Variants in DAAM2 observed in about 807,000 individuals in gnomAD.
The protein encoded by DAAM2 is dishevelled associated activator of morphogenesis 2, also known as disheveled-associated activator of morphogenesis 2.
A neutral mutation model predicts 120.7 loss-of-function variants in DAAM2; 39 were observed. That is an observed-to-expected ratio of 0.32 (90% confidence interval 0.25 to 0.42). DAAM2 has a LOEUF of 0.42. Among genes scored for constraint, DAAM2 ranks in the 10% least tolerant of loss-of-function variants. The probability of loss-of-function intolerance (pLI) is 1.00; values close to 1 mark genes in which losing one functional copy is unlikely to be tolerated. For synonymous variants in DAAM2, 488 were observed against 524.9 expected (o/e 0.93, Z 0.96); for missense variants, 1,283 against 1,401.7 (o/e 0.92, Z 1.35).
chr6:39,814,449 G>A (rs1762252409), intron 1 of DAAM2, among the ~76,000 whole-genome samples: 1 of 152,198 alleles, frequency 6.6e-6, no homozygotes, highest in South Asian at 2.1e-4. Context: ...CTTTGTTGGG[G>A]TTGGCGTTGG....
chr6:39,804,388 C>T (rs552516473), intron 1 of DAAM2, among the ~76,000 whole-genome samples: 13 of 152,308 alleles, frequency 8.5e-5, no homozygotes, highest in South Asian at 8.3e-4. Flanking sequence ...TATCAATTAT[C>T]CCTGTGTGTA....
chr6:39,893,218 A>G (rs561158967), intron 19 of DAAM2, among the ~76,000 whole-genome samples: 5 of 152,218 alleles, frequency 3.3e-5, no homozygotes, highest in Admixed American at 1.3e-4. Flanking sequence ...CCAGGAGCCT[A>G]AGAATTAGTC....
chr6:39,887,639 G>C (rs370569328), intron 16 of DAAM2, 47 bp downstream of exon 16: 29 of 1,374,846 alleles, frequency 2.1e-5, no homozygotes, highest in Non-Finnish European at 2.8e-5. Context: ...GGGGACAAAG[G>C]GGGTGGAGGA....
intron 14 of DAAM2, among the ~76,000 whole-genome samples, chr6:39,883,227 C>G (rs566967282): frequency 6.7e-6 from 1 of 149,712 alleles, no homozygotes; most frequent in Non-Finnish European, 1.5e-5. Context: ...AGGATCCAGA[C>G]CCTAGTGCAA....
intron 1 of DAAM2, among the ~76,000 whole-genome samples, chr6:39,801,954 C>T (rs1055381488): frequency 3.3e-5 from 5 of 152,238 alleles, no homozygotes; most frequent in Non-Finnish European, 7.3e-5. Context: ...CCAGAGGCAG[C>T]TCTGAAGTTA....
At chr6:39,854,266 A>C (rs765435764) in intron 1 of DAAM2, among the ~76,000 whole-genome samples, 1 of 152,066 alleles carries the variant, frequency 6.6e-6, no homozygotes, top group African/African-American at 2.4e-5. Context: ...CTCCTTTTCC[A>C]TGAGAATAGG....
chr6:39,800,628 G>A (rs528942581), intron 1 of DAAM2, among the ~76,000 whole-genome samples: 1 of 152,262 alleles, frequency 6.6e-6, no homozygotes, highest in South Asian at 2.1e-4. Flanking sequence ...TAGCCTTTTT[G>A]GAGCAGCCCC....
At position 39,873,327 on chromosome 6, in the gene DAAM2, T is replaced by C; in HGVS notation, c.1134T>C (p.Ser378=). The C allele has an allele frequency of 6.2e-7, 1 of 1,613,254 alleles. No homozygotes were observed. The highest frequency in any genetic ancestry group is 8.5e-7 in the Non-Finnish European group (1 of 1,179,448). Residue 378 remains serine, a synonymous_variant, in exon 10 of 25, where the codon TCT becomes TCC. Transcript: ENST00000274867. ...CGGAGGCCTACCCCTGCCTGCTCTC[T>C]GTGCTGCACCACTGCCTGCAGATGC... ...KYTEAYPCLL[S]VLHHCLQMPY... is the part of the protein sequence containing the mutation.
chr6:39,855,644 A>G (rs1390357091), intron 1 of DAAM2, among the ~76,000 whole-genome samples: 1 of 152,070 alleles, frequency 6.6e-6, no homozygotes, highest in Non-Finnish European at 1.5e-5. Context: ...ATTCATCCAA[A>G]CATGCCTGTA....
At position 39,902,098 on chromosome 6, in the gene DAAM2, G is replaced by A; in HGVS notation, c.*61G>A. 1 of 1,404,342 alleles carries A rather than the reference G, an allele frequency of 7.1e-7. No individual in the cohort carries two copies. 87.0% of individuals were successfully genotyped at this position (1,404,342 alleles called of 1,614,324 possible). On this transcript the variant is annotated 3_prime_UTR_variant, in exon 25 of 25. Transcript: ENST00000274867. The stretch of plus-strand genomic sequence containing the variant: ...GGGACTGGTGAGAATGGGGCTGAGT[G>A]GAGGAGGTGGTGATATTTAAACCAT...
At chr6:39,794,525 G>A (rs2113974075) in intron 1 of DAAM2, among the ~76,000 whole-genome samples, 1 of 152,286 alleles carries the variant, frequency 6.6e-6, no homozygotes, top group South Asian at 2.1e-4. Context: ...TAGAGAGTCA[G>A]GGGCTCAAGA....
At chr6:39,860,565 A>T (rs765922632) in intron 2 of DAAM2, among the ~76,000 whole-genome samples, 6 of 152,214 alleles carry the variant, frequency 3.9e-5, no homozygotes, top group Admixed American at 6.5e-5. Context: ...CTTAAGAATG[A>T]CAAGGGATGG....
At chr6:39,880,429 G>A (rs997270948) in intron 14 of DAAM2, among the ~76,000 whole-genome samples, 3 of 152,268 alleles carry the variant, frequency 2.0e-5, no homozygotes, top group Non-Finnish European at 2.9e-5. Flanking sequence ...TGGTAGACCA[G>A]CTAGCCTGTC....
intron 1 of DAAM2, among the ~76,000 whole-genome samples, chr6:39,828,546 C>T (rs1762759527): frequency 6.6e-6 from 1 of 151,508 alleles, no homozygotes; most frequent in African/African-American, 2.4e-5. Flanking sequence ...AGGGCCTAAG[C>T]TAATTCCCTC....
At chr6:39,807,085 GT>G (rs1470743533) in intron 1 of DAAM2, among the ~76,000 whole-genome samples, 1 of 151,602 alleles carries the variant, frequency 6.6e-6, no homozygotes, top group East Asian at 1.9e-4. Flanking sequence ...CTACAGCATG[GT>G]TTTTTAGAGC....
intron 1 of DAAM2, among the ~76,000 whole-genome samples, chr6:39,805,728 G>T (rs544753894): frequency 1.3e-5 from 2 of 151,890 alleles, no homozygotes; most frequent in African/African-American, 2.4e-5. Flanking sequence ...CTAATTTTTT[G>T]TATTTTAGTA....
At chr6:39,848,138 C>T (rs1016209563) in intron 1 of DAAM2, among the ~76,000 whole-genome samples, 6 of 151,600 alleles carry the variant, frequency 4.0e-5, no homozygotes, top group African/African-American at 1.5e-4. Flanking sequence ...CTTCTGAGGC[C>T]CAGCTTCATT....
Position 39,901,482 on chromosome 6 carries a change from A to G in DAAM2, c.2982+10A>G, listed in dbSNP as rs769593193. On this transcript the variant is annotated intron_variant, in intron 24 of 24. Transcript: ENST00000274867. This position sits in a 1 kb window ranked among gnomAD's most constrained non-coding sequence, Gnocchi z 4.5. ...GCGCATGGAAGCCATGGTGAGGGGC[A>G]GTGCCAGGCCTGGGACTGAGGGGAG... is the stretch of plus-strand genomic sequence containing the variant. The G allele has an allele frequency of 8.1e-6, 13 of 1,600,870 alleles. No individual in the cohort carries two copies. The highest frequency in any genetic ancestry group is 1.1e-5 in the Non-Finnish European group (13 of 1,178,202).
intron 1 of DAAM2, among the ~76,000 whole-genome samples, chr6:39,847,795 C>T (rs939415730): frequency 5.9e-5 from 9 of 152,124 alleles, no homozygotes; most frequent in African/African-American, 2.2e-4. Context: ...GTCTTCCCAC[C>T]CCATACAGTG....
Sources: gnomAD v4.1 joint callset for allele counts (sites outside exome capture counted in the v4.1 genomes callset) on GRCh38, gnomAD v4.1.1 for gene constraint, Gnocchi (gnomAD v3.1) non-coding constraint, MANE v1.5 for transcripts, NCBI Gene and HGNC (gene_info 2026-07-23, HGNC 2026-07-21) for gene names.